CDH2: variants seen among roughly 807,000 people sequenced by gnomAD.
CDH2 encodes the protein cadherin-2.
A neutral mutation model predicts 92.0 loss-of-function variants in CDH2; 17 were observed. The observed-to-expected ratio is 0.18, with a 90% CI of 0.13 to 0.28. The LOEUF is 0.28. Ranked by LOEUF, CDH2 falls within the 10% of genes least tolerant of loss-of-function variation. The pLI, the probability that CDH2 is intolerant of heterozygous loss-of-function variation, is 1.00. For missense variants in CDH2, 862 were observed against 1,133.1 expected, an observed-to-expected ratio of 0.76 and a Z score of 3.44; for synonymous variants, 419 against 415.9, an observed-to-expected ratio of 1.01 and a Z score of -0.09.
intron 2 of CDH2, among the ~76,000 whole-genome samples, chr18:28,133,832 T>C (rs527369183): frequency 6.6e-6 from 1 of 152,000 alleles, no homozygotes; most frequent in Non-Finnish European, 1.5e-5. Flanking sequence ...TGCTTCATGA[T>C]GGCTACATTT....
At chr18:27,982,824 C>A in intron 14 of CDH2, 120 bp downstream of exon 14, 1 of 551,484 alleles carries the variant, frequency 1.8e-6, no homozygotes, top group Non-Finnish European at 2.9e-6. Flanking sequence ...AACAATTTAC[C>A]AAATGACTGA....
At chr18:28,160,065 C>T (rs1453053104) in intron 1 of CDH2, among the ~76,000 whole-genome samples, 1 of 151,998 alleles carries the variant, frequency 6.6e-6, no homozygotes, top group Non-Finnish European at 1.5e-5. Flanking sequence ...ATTTCTAAAC[C>T]ACAGAGTATT....
intron 2 of CDH2, among the ~76,000 whole-genome samples, chr18:28,094,867 A>G (rs2015102917): frequency 7.4e-6 from 1 of 134,856 alleles, no homozygotes; most frequent in African/African-American, 3.0e-5. Context: ...GAGACTTCAC[A>G]TTTTTAAAAA....
At chr18:28,046,167 G>A (rs1213207015) in intron 2 of CDH2, among the ~76,000 whole-genome samples, 4 of 152,072 alleles carry the variant, frequency 2.6e-5, no homozygotes, top group African/African-American at 4.8e-5. Flanking sequence ...AGGCTTCACA[G>A]TCTAAATAAT....
chr18:28,007,892 G>T (rs554872025), intron 5 of CDH2, among the ~76,000 whole-genome samples: 1 of 152,236 alleles, frequency 6.6e-6, no homozygotes, highest in Admixed American at 6.5e-5. Flanking sequence ...ACTGCAGGCA[G>T]ATAATTTTAT....
chr18:28,039,463 A>T (rs892697791), intron 2 of CDH2, among the ~76,000 whole-genome samples: 5 of 152,182 alleles, frequency 3.3e-5, no homozygotes, highest in Admixed American at 6.5e-5. Flanking sequence ...CTGAGTAGGC[A>T]GCAACTCACA....
At chr18:27,986,090 G>T (rs539563620) in intron 11 of CDH2, among the ~76,000 whole-genome samples, 2 of 152,238 alleles carry the variant, frequency 1.3e-5, no homozygotes, top group South Asian at 4.1e-4. Flanking sequence ...GGCACTGTGA[G>T]GAGTGTTGGA....
chr18:27,954,789 A>C (rs568124924), intron 15 of CDH2, among the ~76,000 whole-genome samples: 1 of 152,172 alleles, frequency 6.6e-6, no homozygotes, highest in Non-Finnish European at 1.5e-5. Context: ...ATATTATTGC[A>C]ATGTATTCTG....
intron 2 of CDH2, among the ~76,000 whole-genome samples, chr18:28,080,595 T>C (rs1275642586): frequency 1.3e-5 from 2 of 152,214 alleles, no homozygotes; most frequent in African/African-American, 4.8e-5. Flanking sequence ...CCATAAATCT[T>C]AACAGAGTTT....
intron 2 of CDH2, among the ~76,000 whole-genome samples, chr18:28,022,135 C>A (rs191836026): frequency 8.6e-4 from 131 of 152,060 alleles, no homozygotes; most frequent in Middle Eastern, 3.4e-3. Context: ...GAAAAAAAAT[C>A]TGCTTAGGTA....
intron 2 of CDH2, chr18:28,036,529 T>G: frequency 1.9e-6 from 3 of 1,607,238 alleles, no homozygotes; most frequent in Non-Finnish European, 2.6e-6. Flanking sequence ...GATACACACA[T>G]AACGCCTTAA....
intron 2 of CDH2, among the ~76,000 whole-genome samples, chr18:28,128,415 CAG>C (rs992318155): frequency 1.3e-5 from 2 of 152,132 alleles, no homozygotes; most frequent in Non-Finnish European, 2.9e-5. Context: ...TGACTGCTGA[CAG>C]GGCACGGTGA....
intron 2 of CDH2, among the ~76,000 whole-genome samples, chr18:28,016,377 A>G (rs1312346913): frequency 6.6e-6 from 1 of 152,200 alleles, no homozygotes; most frequent in Non-Finnish European, 1.5e-5. Flanking sequence ...TTCAAAAAGT[A>G]GGAAACAGAT....
intron 2 of CDH2, among the ~76,000 whole-genome samples, chr18:28,052,732 C>T (rs931773606): frequency 2.0e-5 from 3 of 152,164 alleles, no homozygotes; most frequent in Non-Finnish European, 4.4e-5. Flanking sequence ...TGCCTACCTG[C>T]TCAATATCAC....
chr18:27,973,309 G>T (rs931952161), intron 14 of CDH2, among the ~76,000 whole-genome samples: 5 of 152,042 alleles, frequency 3.3e-5, no homozygotes, highest in African/African-American at 9.7e-5. Context: ...GAAAACCTAG[G>T]CCACTAAGAG....
chr18:28,147,758 G>T lies in CDH2; in HGVS notation c.87C>A (p.Ile29=). The change falls in exon 2 of 16, where the codon ATC becomes ATA. Residue 29 remains isoleucine (I), a synonymous_variant. Transcript: ENST00000269141. ...LQASVEASGE[I]ALCKTGFPED... ...CAGGAAATCCAGTCTTGCATAATGC[G>T]ATTTCACCAGAAGCCTCTACAGACG... 6.2e-7 allele frequency: 1 copy of T among 1,608,084 alleles called. No homozygotes were observed. The highest frequency in any genetic ancestry group is 8.5e-7 in the Non-Finnish European group (1 of 1,177,352).
In CDH2 at chr18:28,049,909, G is replaced by A. The variant is rs17535615; in HGVS notation, c.173-36000C>T. Among the ~76,000 whole-genome samples, 578 of 152,324 alleles carry A rather than the reference G, an allele frequency of 3.8e-3. 3 individuals carry two copies. Among genetic ancestry groups the A allele is most frequent in the African/African-American group, 0.013 (528 of 41,570 alleles). ...TCATTGATGTTTAGTGTGGTGAGATGTCTTGCTTTGGCCACTGGGATGTTG... is the reference window on the plus strand; with the variant it reads ...TCATTGATGTTTAGTGTGGTGAGATATCTTGCTTTGGCCACTGGGATGTTG... On this transcript the variant is annotated intron_variant, in intron 2 of 15. Coordinates refer to ENST00000269141, the MANE Select transcript of CDH2 (RefSeq NM_001792.5).
At chr18:28,094,407 G>C (rs1196719392) in intron 2 of CDH2, among the ~76,000 whole-genome samples, 1 of 152,046 alleles carries the variant, frequency 6.6e-6, no homozygotes, top group Non-Finnish European at 1.5e-5. Context: ...AGAATTACTT[G>C]AACTTGGGAG....
At chr18:28,165,770 TG>T (rs2016369298) in intron 1 of CDH2, among the ~76,000 whole-genome samples, 1 of 151,538 alleles carries the variant, frequency 6.6e-6, no homozygotes, top group Non-Finnish European at 1.5e-5. Context: ...TGTGTCACAC[TG>T]CTTCTTCAGG....
Sources: allele counts gnomAD v4.1 joint callset (sites outside exome capture counted in the v4.1 genomes callset), GRCh38; gene constraint gnomAD v4.1.1; transcripts MANE v1.5; gene names NCBI Gene and HGNC (gene_info 2026-07-23, HGNC 2026-07-21).